TSPAN31: variants seen among roughly 807,000 people sequenced by gnomAD.
TSPAN31 encodes tetraspanin-31.
A neutral mutation model predicts 24.8 loss-of-function variants in TSPAN31; 16 were observed. The ratio of observed to expected loss-of-function variants is 0.64; its 90% CI spans 0.44 to 0.98. The LOEUF (loss-of-function observed/expected upper bound fraction) is 0.98, where lower values mean the gene tolerates loss of function less well. Among genes scored for constraint, TSPAN31 ranks in the 50% least tolerant of loss-of-function variants. The pLI is 0.00. For synonymous variants in TSPAN31, 87 were observed against 91.4 expected (o/e 0.95, Z 0.27); for missense variants, 209 against 251.6 (o/e 0.83, Z 1.15).
rs1955172018 is a variant in TSPAN31, at chr12:57,747,538, C to T, written c.*248C>T. Reference sequence around the variant, plus strand: ...AGGATATGGGAAGCTTCTGTGAGTGCATAGGATGGGGGCTGGAGTCATTCT... The same window carrying T: ...AGGATATGGGAAGCTTCTGTGAGTGTATAGGATGGGGGCTGGAGTCATTCT... On this transcript the variant is annotated 3_prime_UTR_variant, in exon 6 of 6. Transcript: ENST00000257910. 1 of 451,568 alleles carries T rather than the reference C, an allele frequency of 2.2e-6. No individual in the cohort carries two copies. The highest frequency in any genetic ancestry group is 4.0e-6 in the Non-Finnish European group (1 of 249,312). The allele number at this position is 451,568 out of a possible 1,614,324, so 28.0% of individuals were successfully genotyped here.
Position 57,745,749 on chromosome 12 carries a change from T to C in TSPAN31, c.68T>C (p.Val23Ala). 1 of 1,613,864 alleles carries C rather than the reference T, an allele frequency of 6.2e-7. No homozygotes were observed. Among genetic ancestry groups the C allele is most frequent in the Non-Finnish European group, 8.5e-7 (1 of 1,179,820 alleles). ...TATCCTGCTCTTTCTTCGTAGCTGGTGAGCTTGTTGCTCATTGGAGTGGCT... is the reference window on the plus strand; with the variant it reads ...TATCCTGCTCTTTCTTCGTAGCTGGCGAGCTTGTTGCTCATTGGAGTGGCT... ...LCALNVVYMLVSLLLIGVAAW... is the reference protein window; with the variant it reads ...LCALNVVYMLASLLLIGVAAW... The change falls in exon 2 of 6, where the codon GTG becomes GCG. Residue 23 changes from valine (V) to alanine (A), a missense_variant. Transcript: ENST00000257910.
At chr12:57,746,531 A>C in intron 3 of TSPAN31, 58 bp from the exon 4 acceptor site, 1 of 1,607,822 alleles carries the variant, frequency 6.2e-7, no homozygotes, top group Non-Finnish European at 8.5e-7. Flanking sequence ...AAATTGAGGC[A>C]CTTGAACTGA....
In TSPAN31 at chr12:57,746,226, C is replaced by G. The variant is rs1266939790; in HGVS notation, c.282C>G (p.Cys94Trp). The change falls in exon 3 of 6, where the codon TGC becomes TGG. Residue 94 changes from cysteine to tryptophan, a missense_variant. Cys to Trp is a radical substitution (Grantham distance 215, BLOSUM62 -2). Transcript: ENST00000257910. The stretch of plus-strand genomic sequence containing the variant: ...TCATCTTCCAATTTGTAATCTCTTG[C>G]TCATGTCTGGCTATTAACCGAAGCA... ...LVFIFQFVIS[C>W]SCLAINRSKQ... 1.2e-6 allele frequency: 2 copies of G among 1,614,140 alleles called. No homozygotes were observed. The highest frequency in any genetic ancestry group is 2.2e-5 in the South Asian group (2 of 91,084).
At position 57,746,349 on chromosome 12, in the gene TSPAN31, G is replaced by T. The variant is rs766573947; in HGVS notation, c.312+93G>T. 6 of 1,304,374 alleles carry T rather than the reference G, an allele frequency of 4.6e-6. No individual in the cohort carries two copies. In the South Asian group the frequency reaches 7.1e-5, roughly 15 times the overall value. 80.8% of individuals were successfully genotyped at this position (1,304,374 alleles called of 1,614,324 possible). A position where few individuals can be genotyped will look rare whatever the true frequency, so the allele number is the denominator to read the frequency against. The stretch of plus-strand genomic sequence containing the variant: ...CTTAGTCTGGCCCCAACTACCCAAA[G>T]ATCATCCTTAGGTGCACTGCTTCTG... On this transcript the variant is annotated intron_variant, in intron 3 of 5. Coordinates refer to ENST00000257910, the MANE Select transcript of TSPAN31 (RefSeq NM_005981.5).
chr12:57,746,782 C>A, intron 4 of TSPAN31, 62 bp downstream of exon 4: 1 of 1,605,542 alleles, frequency 6.2e-7, no homozygotes, highest in Non-Finnish European at 8.5e-7. Context: ...AGGACAATGC[C>A]CAAGTTGGCA....
In TSPAN31 at chr12:57,747,277, G is replaced by A; in HGVS notation, c.620G>A (p.Ser207Asn). 6 of 1,614,176 alleles carry A rather than the reference G, an allele frequency of 3.7e-6. No individual in the cohort carries two copies. The highest frequency in any genetic ancestry group is 5.1e-6 in the Non-Finnish European group (6 of 1,180,016). Reference protein sequence around the residue: ...RNQKDPRANPSAFL With the variant: ...RNQKDPRANPNAFL The stretch of plus-strand genomic sequence containing the variant: ...CAGAAGGATCCTAGAGCCAACCCCA[G>A]TGCCTTTCTATGAGACTTTGGATCC... The change falls in exon 6 of 6, where the codon AGT becomes AAT. Residue 207 changes from serine (S) to asparagine (N), a missense_variant. By Grantham distance (46) the Ser-to-Asn change is conservative. Coordinates refer to ENST00000257910, the MANE Select transcript of TSPAN31 (RefSeq NM_005981.5).
intron 1 of TSPAN31, 34 bp downstream of exon 1, chr12:57,745,251 G>A (rs780984815): frequency 2.1e-5 from 34 of 1,600,602 alleles, no homozygotes; most frequent in Non-Finnish European, 2.8e-5. Flanking sequence ...GCTTCAAGGC[G>A]GAAAGGCCCC....
Position 57,748,701 on chromosome 12 carries a change from CTTTTTTCTT to C in TSPAN31, c.*1418_*1426del. ...AACAATACCTGGGATGAGCTTTCTT[CTTTTTTCTT>C]TTTTTTTTTTTTTGAGACGGAGTCT... On this transcript the variant is annotated 3_prime_UTR_variant, in exon 6 of 6. Transcript: ENST00000257910. 1.2e-6 allele frequency: 1 copy of C among 827,096 alleles called. No homozygotes were observed. Among genetic ancestry groups the C allele is most frequent in the Non-Finnish European group, 2.0e-6 (1 of 495,240 alleles). The allele number at this position is 827,096 out of a possible 1,614,324, so 51.2% of individuals were successfully genotyped here. A position where few individuals can be genotyped will look rare whatever the true frequency, so the allele number is the denominator to read the frequency against.
chr12:57,745,514 A>C (rs1172859805), intron 1 of TSPAN31: 10 of 616,974 alleles, frequency 1.6e-5, no homozygotes, highest in Non-Finnish European at 2.8e-5. Context: ...CTGAGGGTTC[A>C]TCTTTTGCAT....
Position 57,748,290 on chromosome 12 carries a change from A to T in TSPAN31, c.*1000A>T. On this transcript the variant is annotated 3_prime_UTR_variant, in exon 6 of 6. Transcript: ENST00000257910. ...GTATAAAAAAGGACCCCAAATATAAAGGTAGGGAAAGGGACAAGAGGGAAC... is the reference window on the plus strand; with the variant it reads ...GTATAAAAAAGGACCCCAAATATAATGGTAGGGAAAGGGACAAGAGGGAAC... 1 of 465,168 alleles carries T rather than the reference A, an allele frequency of 2.1e-6. No homozygotes were observed. Among genetic ancestry groups the T allele is most frequent in the Non-Finnish European group, 3.9e-6 (1 of 254,864 alleles). 28.8% of individuals were successfully genotyped at this position (465,168 alleles called of 1,614,324 possible). A position where few individuals can be genotyped will look rare whatever the true frequency, so the allele number is the denominator to read the frequency against.
chr12:57,747,459 T>C lies in TSPAN31; in HGVS notation c.*169T>C, dbSNP rs1306406211. On this transcript the variant is annotated 3_prime_UTR_variant, in exon 6 of 6. Transcript: ENST00000257910. Reference sequence around the variant, plus strand: ...GACTTTATGCCTTGACATATTTTAGTGGGAGCCAGACTATAAGGAATAAAA... The same window carrying C: ...GACTTTATGCCTTGACATATTTTAGCGGGAGCCAGACTATAAGGAATAAAA... The C allele has an allele frequency of 3.3e-6, 2 of 614,962 alleles. No individual in the cohort carries two copies. The highest frequency in any genetic ancestry group is 5.7e-6 in the Non-Finnish European group (2 of 353,410). The allele number at this position is 614,962 out of a possible 1,614,324, so 38.1% of individuals were successfully genotyped here.
Position 57,749,606 on chromosome 12 carries a change from C to T in TSPAN31, c.*2316C>T. The T allele has an allele frequency of 1.8e-6, 2 of 1,120,226 alleles. No homozygotes were observed. Among genetic ancestry groups the T allele is most frequent in the East Asian group, 5.0e-5 (2 of 39,702 alleles). The allele number at this position is 1,120,226 out of a possible 1,614,324, so 69.4% of individuals were successfully genotyped here. A position where few individuals can be genotyped will look rare whatever the true frequency, so the allele number is the denominator to read the frequency against. ...AAATAGGAAGTATAGGGAATAAAGG[C>T]CAACAATTCCAGCACTTTGGGATGC... On this transcript the variant is annotated 3_prime_UTR_variant, in exon 6 of 6. Coordinates refer to ENST00000257910, the MANE Select transcript of TSPAN31 (RefSeq NM_005981.5).
At chr12:57,746,045 A>G in intron 2 of TSPAN31, 131 bp from the exon 3 acceptor site, 1 of 1,449,246 alleles carries the variant, frequency 6.9e-7, no homozygotes, top group South Asian at 1.3e-5. Flanking sequence ...ATAATCTACG[A>G]AACAAGAGCT....
At chr12:57,745,614 C>G in intron 1 of TSPAN31, 131 bp from the exon 2 acceptor site, 3 of 1,180,832 alleles carry the variant, frequency 2.5e-6, no homozygotes, top group Non-Finnish European at 2.4e-6. Flanking sequence ...GCGGATAGCA[C>G]CATCCCCAGC....
rs1230656395 is a variant in TSPAN31, at chr12:57,748,131, ACCAGT to A, written c.*843_*847del. The A allele has an allele frequency of 3.1e-6, 1 of 326,068 alleles. No individual in the cohort carries two copies. The highest frequency in any genetic ancestry group is 4.8e-5 in the East Asian group (1 of 20,636). The allele number at this position is 326,068 out of a possible 1,614,324, so 20.2% of individuals were successfully genotyped here. A position where few individuals can be genotyped will look rare whatever the true frequency, so the allele number is the denominator to read the frequency against. The stretch of plus-strand genomic sequence containing the variant: ...CTGACTTCCTAGGCCCTGTAATTTA[ACCAGT>A]CTTTAAGGTTTTGCAGGAAAGTCCC... On this transcript the variant is annotated 3_prime_UTR_variant, in exon 6 of 6. Transcript: ENST00000257910.
Position 57,748,153 on chromosome 12 carries a change from G to T in TSPAN31, c.*863G>T, listed in dbSNP as rs990566844. ...TTAACCAGTCTTTAAGGTTTTGCAG[G>T]AAAGTCCCTTCTTCCAAGTGGTTTT... On this transcript the variant is annotated 3_prime_UTR_variant, in exon 6 of 6. Coordinates refer to ENST00000257910, the MANE Select transcript of TSPAN31 (RefSeq NM_005981.5). 3 of 347,836 alleles carry T rather than the reference G, an allele frequency of 8.6e-6. No homozygotes were observed. Among genetic ancestry groups the T allele is most frequent in the African/African-American group, 2.1e-5 (1 of 48,074 alleles). The allele number at this position is 347,836 out of a possible 1,614,324, so 21.5% of individuals were successfully genotyped here.
Position 57,749,129 on chromosome 12 carries a change from T to C in TSPAN31, c.*1839T>C. 1 of 1,612,446 alleles carries C rather than the reference T, an allele frequency of 6.2e-7. No homozygotes were observed. Among genetic ancestry groups the C allele is most frequent in the African/African-American group, 1.3e-5 (1 of 75,022 alleles). On this transcript the variant is annotated 3_prime_UTR_variant, in exon 6 of 6. Transcript: ENST00000257910. ...GGCCAGGGCCCTGCATACTGCTCTA[T>C]TTCTTTCCCCAGTCTCTATTTCTTT...
In TSPAN31 at chr12:57,748,926, G is replaced by A. The variant is rs1268129762; in HGVS notation, c.*1636G>A. 13 of 567,428 alleles carry A rather than the reference G, an allele frequency of 2.3e-5. No homozygotes were observed. The highest frequency in any genetic ancestry group is 3.8e-5 in the African/African-American group (2 of 53,198). 35.1% of individuals were successfully genotyped at this position (567,428 alleles called of 1,614,324 possible). A position where few individuals can be genotyped will look rare whatever the true frequency, so the allele number is the denominator to read the frequency against. On this transcript the variant is annotated 3_prime_UTR_variant, in exon 6 of 6. Transcript: ENST00000257910. ...TCACCATGTTGGCCAGGCTGGTCTC[G>A]AACTCCTGACCTCAGGTGATACGCC...
At position 57,749,382 on chromosome 12, in the gene TSPAN31, A is replaced by C. The variant is rs1178351736; in HGVS notation, c.*2092A>C. 1 of 1,613,084 alleles carries C rather than the reference A, an allele frequency of 6.2e-7. No individual in the cohort carries two copies. The highest frequency in any genetic ancestry group is 8.5e-7 in the Non-Finnish European group (1 of 1,179,128). On this transcript the variant is annotated 3_prime_UTR_variant, in exon 6 of 6. Transcript: ENST00000257910. ...AGTTCCCATCCCCATGGGCAGAGCC[A>C]GTTGCCATCCTGGGTTCAGCAGAAA...
Sources: gnomAD v4.1 joint callset for allele counts on GRCh38, gnomAD v4.1.1 for gene constraint, MANE v1.5 for transcripts, NCBI Gene and HGNC (gene_info 2026-07-23, HGNC 2026-07-21) for gene names.